The following MAP3K7CL variants were observed in gnomAD, a reference collection of about 807,000 sequenced individuals.
MAP3K7CL encodes MAP3K7 C-terminal-like protein.
A neutral mutation model predicts 18.6 loss-of-function variants in MAP3K7CL; 16 were observed. The observed-to-expected ratio is 0.86, with a 90% CI of 0.58 to 1.31. MAP3K7CL has a LOEUF of 1.31. MAP3K7CL is among the 50% of genes most tolerant of loss of function. MAP3K7CL has a pLI of 0.00. For missense variants in MAP3K7CL, 163 were observed against 174.4 expected, an observed-to-expected ratio of 0.93 and a Z score of 0.37; for synonymous variants, 65 against 66.8, an observed-to-expected ratio of 0.97 and a Z score of 0.13.
At chr21:29,172,191 A>G in intron 4 of MAP3K7CL, among the ~76,000 whole-genome samples, 1 of 122,566 alleles carries the variant, frequency 8.2e-6, no homozygotes, top group East Asian at 2.4e-4. Flanking sequence ...TGTTCTTCAA[A>G]ACTATTTTTT....
At chr21:29,099,440 A>C (rs1485387135) in intron 4 of MAP3K7CL, among the ~76,000 whole-genome samples, 1 of 152,020 alleles carries the variant, frequency 6.6e-6, no homozygotes, top group Non-Finnish European at 1.5e-5. Context: ...AAAGGAGTTG[A>C]AAGATTCAAA....
At chr21:29,083,149 C>T (rs7280546), upstream of MAP3K7CL, among the ~76,000 whole-genome samples, 27,799 of 151,932 alleles carry the variant, frequency 0.18, 2,800 homozygotes, top group South Asian at 0.23. Flanking sequence ...TTGGGCAATT[C>T]CTCAATTTTC....
At chr21:29,159,363 GT>G (rs975821491) in intron 3 of MAP3K7CL, among the ~76,000 whole-genome samples, 2 of 151,224 alleles carry the variant, frequency 1.3e-5, no homozygotes, top group South Asian at 2.1e-4. Flanking sequence ...TATAGGGATG[GT>G]TTTTTTTTAG....
At chr21:29,085,321 G>C (rs1013716613), upstream of MAP3K7CL, among the ~76,000 whole-genome samples, 1 of 152,142 alleles carries the variant, frequency 6.6e-6, no homozygotes, top group Non-Finnish European at 1.5e-5. Flanking sequence ...GAGGCTTTTA[G>C]GTGAAACCAT....
At chr21:29,129,648 C>T (rs1433957376), upstream of MAP3K7CL, among the ~76,000 whole-genome samples, 1 of 152,110 alleles carries the variant, frequency 6.6e-6, no homozygotes. Context: ...TGTATGCAGG[C>T]TTTTGGGGAA....
At chr21:29,166,062 A>G (rs1307476336) in intron 4 of MAP3K7CL, among the ~76,000 whole-genome samples, 1 of 152,170 alleles carries the variant, frequency 6.6e-6, no homozygotes, top group African/African-American at 2.4e-5. Flanking sequence ...ATCATTGTTA[A>G]CTACAGTCAC....
chr21:29,171,518 A>T (rs2087825990), intron 4 of MAP3K7CL, among the ~76,000 whole-genome samples: 1 of 152,208 alleles, frequency 6.6e-6, no homozygotes, highest in Non-Finnish European at 1.5e-5. Flanking sequence ...TTGCAAAAGT[A>T]GTATAGAGAA....
chr21:29,094,992 A>G (rs1420283634), intron 4 of MAP3K7CL, among the ~76,000 whole-genome samples: 1 of 147,756 alleles, frequency 6.8e-6, no homozygotes, highest in Non-Finnish European at 1.5e-5. Flanking sequence ...TGGGAGGCGG[A>G]GGTTGCAGTG....
chr21:29,107,387 C>T (rs2086342546), intron 4 of MAP3K7CL, among the ~76,000 whole-genome samples: 2 of 152,132 alleles, frequency 1.3e-5, no homozygotes, highest in African/African-American at 4.8e-5. Flanking sequence ...GATGAACTCT[C>T]AGGAACAGAA....
intron 4 of MAP3K7CL, among the ~76,000 whole-genome samples, chr21:29,169,409 A>C (rs1467932785): frequency 1.3e-5 from 2 of 152,194 alleles, no homozygotes; most frequent in African/African-American, 4.8e-5. Context: ...AGACTTTGAC[A>C]TCCTTTCTGT....
At chr21:29,085,739 G>A, upstream of MAP3K7CL, 1 of 904,700 alleles carries the variant, frequency 1.1e-6, no homozygotes, top group East Asian at 2.4e-5. Context: ...AATGCCAACG[G>A]CATGGTTAGT....
At chr21:29,085,968 C>T in intron 1 of MAP3K7CL, 2 of 1,594,904 alleles carry the variant, frequency 1.3e-6, no homozygotes, top group Non-Finnish European at 1.7e-6. Flanking sequence ...GACTATAATC[C>T]TGTTTTCAGT....
chr21:29,129,338 C>T (rs1188268903), upstream of MAP3K7CL, among the ~76,000 whole-genome samples: 1 of 152,164 alleles, frequency 6.6e-6, no homozygotes, highest in Non-Finnish European at 1.5e-5. Flanking sequence ...CCTATTCATC[C>T]TTCCTTTTTC....
chr21:29,164,552 A>G (rs1340736904), intron 4 of MAP3K7CL, among the ~76,000 whole-genome samples: 1 of 152,222 alleles, frequency 6.6e-6, no homozygotes, highest in Non-Finnish European at 1.5e-5. Context: ...TCCCTGGATC[A>G]AGTTTGGGAG....
At chr21:29,099,809 C>T (rs7276567) in intron 4 of MAP3K7CL, among the ~76,000 whole-genome samples, 50,272 of 151,852 alleles carry the variant, frequency 0.33, 8,428 homozygotes, top group Non-Finnish European at 0.35. Flanking sequence ...AGGGGCCGGG[C>T]GCAGTGGCTC....
intron 4 of MAP3K7CL, among the ~76,000 whole-genome samples, chr21:29,170,827 C>T (rs1033658730): frequency 6.6e-5 from 10 of 151,772 alleles, no homozygotes; most frequent in African/African-American, 2.2e-4. Flanking sequence ...TCGGTAGATA[C>T]AGGGTTTCAC....
upstream of MAP3K7CL, among the ~76,000 whole-genome samples, chr21:29,082,684 G>T (rs376438828): frequency 1.3e-5 from 2 of 152,194 alleles, no homozygotes; most frequent in Non-Finnish European, 1.5e-5. Flanking sequence ...GATCAGTGTG[G>T]CAGGGCAGTA....
At chr21:29,085,971 T>C (rs1835775174) in intron 1 of MAP3K7CL, 1 of 1,590,230 alleles carries the variant, frequency 6.3e-7, no homozygotes, top group African/African-American at 1.3e-5. Context: ...TATAATCCTG[T>C]TTTCAGTGAA....
upstream of MAP3K7CL, among the ~76,000 whole-genome samples, chr21:29,127,482 T>G (rs2086699311): frequency 6.6e-6 from 1 of 152,212 alleles, no homozygotes; most frequent in South Asian, 2.1e-4. Flanking sequence ...TTTGTTACTC[T>G]CTTGAAAGTG....
Sources: allele counts gnomAD v4.1 joint callset (sites outside exome capture counted in the v4.1 genomes callset), GRCh38; gene constraint gnomAD v4.1.1; transcripts MANE v1.5; gene names NCBI Gene and HGNC (gene_info 2026-07-23, HGNC 2026-07-21).